The following PYROXD2 variants were observed in gnomAD, a reference collection of about 807,000 sequenced individuals.
The protein encoded by PYROXD2 is pyridine nucleotide-disulfide oxidoreductase domain-containing protein 2.
A neutral mutation model predicts 71.1 loss-of-function variants in PYROXD2; 69 were observed. The ratio of observed to expected loss-of-function variants is 0.97; its 90% CI spans 0.80 to 1.19. The LOEUF is 1.19. Ranked by LOEUF, PYROXD2 falls within the 50% of genes most tolerant of loss-of-function variation. PYROXD2 has a pLI of 0.00. For synonymous variants in PYROXD2, 287 were observed against 302.7 expected (o/e 0.95, Z 0.54); for missense variants, 745 against 748.9 (o/e 0.99, Z 0.06).
chr10:98,389,788 T>C (rs1278119059), intron 12 of PYROXD2, among the ~76,000 whole-genome samples: 1 of 152,226 alleles, frequency 6.6e-6, no homozygotes, highest in Non-Finnish European at 1.5e-5. Context: ...TACTTGTTGA[T>C]TGTCTTCCTC....
intron 4 of PYROXD2, among the ~76,000 whole-genome samples, chr10:98,400,523 CGCCAT>C (rs1048733654): frequency 1.3e-5 from 2 of 152,116 alleles, no homozygotes; most frequent in African/African-American, 4.8e-5. Flanking sequence ...CCATACACCA[CGCCAT>C]GCCATGCCAC....
At chr10:98,391,280 G>A (rs936893224) in intron 10 of PYROXD2, among the ~76,000 whole-genome samples, 198 bp from the exon 11 acceptor site, 8 of 152,148 alleles carry the variant, frequency 5.3e-5, no homozygotes, top group East Asian at 1.9e-4. Context: ...CCTCCTCCGC[G>A]CTTGGCCAGC....
chr10:98,390,028 C>T (rs113027799), intron 12 of PYROXD2, among the ~76,000 whole-genome samples: 2,599 of 152,208 alleles, frequency 0.017, 83 homozygotes, highest in African/African-American at 0.059. Context: ...TGCCCCTGCC[C>T]CGCTAATTCT....
chr10:98,398,040 G>A (rs865982764), intron 5 of PYROXD2, among the ~76,000 whole-genome samples: 1 of 151,810 alleles, frequency 6.6e-6, no homozygotes, highest in African/African-American at 2.4e-5. Flanking sequence ...CTGCCACCAC[G>A]CCCGGCTAAT....
chr10:98,399,678 T>C (rs917150774), intron 5 of PYROXD2, among the ~76,000 whole-genome samples: 1 of 152,244 alleles, frequency 6.6e-6, no homozygotes, highest in Non-Finnish European at 1.5e-5. Context: ...ATTCAGTTTA[T>C]TTATCCTTAA....
intron 5 of PYROXD2, among the ~76,000 whole-genome samples, chr10:98,397,877 C>CTTTT (rs60678578): frequency 1.5e-4 from 13 of 84,164 alleles, no homozygotes; most frequent in South Asian, 5.1e-4. Flanking sequence ...GTCCTTTCTT[C>CTTTT]TTTTTTTTTT....
chr10:98,406,710 G>A (rs971743785), intron 4 of PYROXD2, among the ~76,000 whole-genome samples: 9 of 151,968 alleles, frequency 5.9e-5, no homozygotes, highest in African/African-American at 1.2e-4. Context: ...CGGCTAACAC[G>A]GTGAAAGCCC....
At chr10:98,412,211 A>G (rs950000001) in intron 1 of PYROXD2, among the ~76,000 whole-genome samples, 2 of 152,252 alleles carry the variant, frequency 1.3e-5, no homozygotes, top group Non-Finnish European at 2.9e-5. Context: ...AACTGGGTCC[A>G]GTTCAATCAT....
chr10:98,384,602 C>T (rs916045099), intron 15 of PYROXD2, among the ~76,000 whole-genome samples: 3 of 152,132 alleles, frequency 2.0e-5, no homozygotes, highest in African/African-American at 7.2e-5. Flanking sequence ...TAGGCGATAG[C>T]GTGAAGCCCT....
At chr10:98,411,758 T>C (rs894423546) in intron 1 of PYROXD2, 1 of 151,908 alleles carries the variant, frequency 6.6e-6, no homozygotes, top group Non-Finnish European at 1.5e-5. Context: ...TTCCCAGGAG[T>C]CTGTTCAGCA....
At chr10:98,412,967 T>C (rs1023826009) in intron 1 of PYROXD2, among the ~76,000 whole-genome samples, 1 of 152,190 alleles carries the variant, frequency 6.6e-6, no homozygotes, top group African/African-American at 2.4e-5. Context: ...AAACAGCCAT[T>C]GATATAAACT....
intron 14 of PYROXD2, 140 bp downstream of exon 14, chr10:98,387,061 C>T (rs1304038294): frequency 3.3e-6 from 2 of 608,090 alleles, no homozygotes; most frequent in Admixed American, 3.4e-5. Context: ...TGCCCTCTCT[C>T]AGCCGGGGTC....
intron 6 of PYROXD2, among the ~76,000 whole-genome samples, chr10:98,396,867 G>A (rs1843203763): frequency 6.6e-6 from 1 of 152,210 alleles, no homozygotes; most frequent in South Asian, 2.1e-4. Flanking sequence ...AAGTGTGGGA[G>A]TCAATGCCCT....
At chr10:98,396,523 G>A (rs1162325044) in intron 6 of PYROXD2, among the ~76,000 whole-genome samples, 1 of 152,192 alleles carries the variant, frequency 6.6e-6, no homozygotes, top group Non-Finnish European at 1.5e-5. Flanking sequence ...CTCAAGGAGG[G>A]TAGAAAATAA....
intron 4 of PYROXD2, among the ~76,000 whole-genome samples, chr10:98,406,257 C>T (rs79884823): frequency 0.017 from 2,523 of 152,280 alleles, 79 homozygotes; most frequent in African/African-American, 0.057. Flanking sequence ...AAATAAGTAA[C>T]GTTTTTTAAA....
chr10:98,409,708 C>T (rs7923729), intron 2 of PYROXD2, among the ~76,000 whole-genome samples: 54,664 of 151,706 alleles, frequency 0.36, 10,923 homozygotes, highest in African/African-American at 0.53. Flanking sequence ...TCCATTTTAC[C>T]GTGACTCGGA....
chr10:98,398,169 C>A (rs578144251), intron 5 of PYROXD2, among the ~76,000 whole-genome samples: 8 of 152,156 alleles, frequency 5.3e-5, no homozygotes, highest in Non-Finnish European at 7.4e-5. Context: ...AGGCGTGAGC[C>A]GCCACGCTGG....
rs771078322 is a variant in PYROXD2 at position 98,390,729 on chromosome 10, G to A, written c.1161C>T (p.Phe387=). The A allele has an allele frequency of 3.1e-6, 5 of 1,605,356 alleles. No individual in the cohort carries two copies. In the Admixed American group the frequency reaches 5.1e-5, roughly 16 times the overall value. Residue 387 remains phenylalanine, a synonymous_variant, in exon 12 of 16, where the codon TTC becomes TTT. Transcript: ENST00000370575. ...INVAVDRLPS[F]LAAPNAPRGQ... is the part of the protein sequence containing the mutation. ...CCCTGGGAGCATTGGGGGCCGCCAG[G>A]AAGCTGGGCAGCCTGTCTACGGCCA...
At chr10:98,399,611 G>T (rs932454059) in intron 5 of PYROXD2, among the ~76,000 whole-genome samples, 4 of 152,220 alleles carry the variant, frequency 2.6e-5, no homozygotes, top group African/African-American at 9.6e-5. Flanking sequence ...AGCCAGGAGG[G>T]AGCCTTGGGA....
Sources: gnomAD v4.1 joint callset for allele counts (sites outside exome capture counted in the v4.1 genomes callset) on GRCh38, gnomAD v4.1.1 for gene constraint, MANE v1.5 for transcripts, NCBI Gene and HGNC (gene_info 2026-07-23, HGNC 2026-07-21) for gene names.